Variants in MAP1S observed in about 807,000 individuals in gnomAD.
The protein encoded by MAP1S is microtubule-associated protein 1S.
Under a neutral mutation model 60.9 loss-of-function variants are expected in MAP1S, and 27 were observed. The ratio of observed to expected loss-of-function variants is 0.44; its 90% CI spans 0.33 to 0.61. The LOEUF is 0.61. MAP1S is among the 20% of genes least tolerant of loss of function. The pLI is 0.03. For missense variants in MAP1S, 1,608 were observed against 1,486.6 expected, an observed-to-expected ratio of 1.08 and a Z score of -1.34; for synonymous variants, 826 against 694.2, an observed-to-expected ratio of 1.19 and a Z score of -2.98.
Position 17,734,253 on chromosome 19 carries a change from C to A in MAP1S, c.3025-20C>A. Reference sequence around the variant, plus strand: ...TCACTGGTGGTCCACTCTCCCCACACACCCCCCCTCCACCTGCAGGTGACC... The same window carrying A: ...TCACTGGTGGTCCACTCTCCCCACAAACCCCCCCTCCACCTGCAGGTGACC... On this transcript the variant is annotated intron_variant, in intron 6 of 6. Coordinates refer to ENST00000324096, the MANE Select transcript of MAP1S (RefSeq NM_018174.6). The A allele has an allele frequency of 6.2e-7, 1 of 1,603,732 alleles. No homozygotes were observed. Among genetic ancestry groups the A allele is most frequent in the Non-Finnish European group, 8.5e-7 (1 of 1,172,662 alleles).
rs549260070 is a variant in MAP1S, at chr19:17,725,502, C to A, written c.444+313C>A. ...GGCAAAATGGCAAACCTCACTTTCACATTGTAGTGGGGCACTTAAAAATGG... is the reference window on the plus strand; with the variant it reads ...GGCAAAATGGCAAACCTCACTTTCAAATTGTAGTGGGGCACTTAAAAATGG... On this transcript the variant is annotated intron_variant, in intron 4 of 6. Coordinates refer to ENST00000324096, the MANE Select transcript of MAP1S (RefSeq NM_018174.6). This position sits in a 1 kb window ranked among gnomAD's most constrained non-coding sequence, Gnocchi z 4.2. Among the ~76,000 whole-genome samples, 13 of 152,324 alleles carry A rather than the reference C, an allele frequency of 8.5e-5. No homozygotes were observed. Among genetic ancestry groups the A allele is most frequent in the African/African-American group, 2.4e-4 (10 of 41,582 alleles).
chr19:17,719,541 G>C lies in MAP1S; in HGVS notation c.39G>C (p.Pro13=). ...AVAGSGAAAA[P]SSLLLVVGSE... is the part of the protein sequence containing the mutation. Reference sequence around the variant, plus strand: ...CTGGATCTGGGGCTGCCGCGGCTCCGAGCTCACTGCTCCTCGTGGTGGGCA... The same window carrying C: ...CTGGATCTGGGGCTGCCGCGGCTCCCAGCTCACTGCTCCTCGTGGTGGGCA... Residue 13 remains proline, a synonymous_variant, in exon 1 of 7, where the codon CCG becomes CCC. Coordinates refer to ENST00000324096, the MANE Select transcript of MAP1S (RefSeq NM_018174.6). 1 of 1,246,154 alleles carries C rather than the reference G, an allele frequency of 8.0e-7. No individual in the cohort carries two copies. The highest frequency in any genetic ancestry group is 1.0e-6 in the Non-Finnish European group (1 of 987,602). 77.2% of individuals were successfully genotyped at this position (1,246,154 alleles called of 1,614,324 possible).
At chr19:17,731,159 T>G (rs1667607663) in intron 5 of MAP1S, among the ~76,000 whole-genome samples, 1 of 152,046 alleles carries the variant, frequency 6.6e-6, no homozygotes, top group South Asian at 2.1e-4. Flanking sequence ...CCTCCCAGAG[T>G]ACTAAGATTA....
chr19:17,725,947 C>T lies in MAP1S; in HGVS notation c.563C>T (p.Ala188Val), dbSNP rs1555705086. 7 of 1,613,134 alleles carry T rather than the reference C, an allele frequency of 4.3e-6. No homozygotes were observed. The highest frequency in any genetic ancestry group is 1.7e-4 in the Middle Eastern group (1 of 6,056). The change falls in exon 5 of 7, where the codon GCG (alanine) becomes GTG (valine). Residue 188 changes from alanine (A) to valine (V), a missense_variant. Ala to Val is a moderately conservative substitution (Grantham distance 64, BLOSUM62 0). Coordinates refer to ENST00000324096, the MANE Select transcript of MAP1S (RefSeq NM_018174.6). This position sits in a 1 kb window ranked among gnomAD's most constrained non-coding sequence, Gnocchi z 4.2. Reference sequence around the variant, plus strand: ...CCCGCTGTGCCTGGCCTTCAGGGGGCGCTCCGGCTCCAGCTGCGGCTGAAC... The same window carrying T: ...CCCGCTGTGCCTGGCCTTCAGGGGGTGCTCCGGCTCCAGCTGCGGCTGAAC... ...LAPAVPGLQG[A>V]LRLQLRLNPP...
chr19:17,722,900 G>C (rs2080384109), intron 2 of MAP1S, among the ~76,000 whole-genome samples: 1 of 152,158 alleles, frequency 6.6e-6, no homozygotes, highest in Admixed American at 6.5e-5. Flanking sequence ...AATGTGATAA[G>C]GGCTGGCAAC....
chr19:17,720,730 C>T, intron 1 of MAP1S: 2 of 621,716 alleles, frequency 3.2e-6, no homozygotes, highest in Admixed American at 2.9e-5. Flanking sequence ...GCTGATGAAT[C>T]TTGTGTGTAA....
chr19:17,727,653 C>CA lies in MAP1S; in HGVS notation c.2269_2270insA (p.Pro757HisfsTer9). 1 of 1,608,730 alleles carries CA rather than the reference C, an allele frequency of 6.2e-7. No individual in the cohort carries two copies. The highest frequency in any genetic ancestry group is 1.1e-5 in the South Asian group (1 of 91,022). ...CAAGGCGGTGCCAATGGCACCGGCA[C>CA]CTGCGTCCCCCGGCAGCTCGAATGA... is the stretch of plus-strand genomic sequence containing the variant. On this transcript the variant is annotated frameshift_variant, in exon 5 of 7. Coordinates refer to ENST00000324096, the MANE Select transcript of MAP1S (RefSeq NM_018174.6). LOFTEE classifies it high-confidence loss of function. The surrounding 1 kb of genome is among the most constrained non-coding windows in gnomAD (Gnocchi z 4.1).
chr19:17,726,568 T>C lies in MAP1S; in HGVS notation c.1184T>C (p.Met395Thr). The change falls in exon 5 of 7, where the codon ATG becomes ACG. Residue 395 changes from methionine (M) to threonine (T), a missense_variant. By Grantham distance (81) the Met-to-Thr change is moderately conservative. Coordinates refer to ENST00000324096, the MANE Select transcript of MAP1S (RefSeq NM_018174.6). The stretch of plus-strand genomic sequence containing the variant: ...AAGATGGGCGTGGGCCGGCTGGACA[T>C]GTATGTGCTGCACCCGCCCTCCGCC... ...FEKMGVGRLDMYVLHPPSAGA... is the reference protein window; with the variant it reads ...FEKMGVGRLDTYVLHPPSAGA... 1.3e-6 allele frequency: 2 copies of C among 1,575,020 alleles called. No individual in the cohort carries two copies. Among genetic ancestry groups the C allele is most frequent in the South Asian group, 1.1e-5 (1 of 87,314 alleles).
At position 17,728,268 on chromosome 19, in the gene MAP1S, A is replaced by G. The variant is rs1276339360; in HGVS notation, c.2788+96A>G. The stretch of plus-strand genomic sequence containing the variant: ...TGTTTTTACATTTTCAGTTTTTTTA[A>G]AAGAGATGGTCTCACTCTGTCTCTG... On this transcript the variant is annotated intron_variant, in intron 5 of 6. Transcript: ENST00000324096. 4.6e-6 allele frequency: 6 copies of G among 1,311,802 alleles called. No homozygotes were observed. The African/African-American group carries it at 7.4e-5, about 16-fold the overall frequency. 81.3% of individuals were successfully genotyped at this position (1,311,802 alleles called of 1,614,324 possible).
rs746545698 is a variant in MAP1S, at chr19:17,727,045, C to G, written c.1661C>G (p.Thr554Arg). The G allele has an allele frequency of 6.2e-7, 1 of 1,605,804 alleles. No homozygotes were observed. Among genetic ancestry groups the G allele is most frequent in the Non-Finnish European group, 8.5e-7 (1 of 1,177,238 alleles). ...TCTTCTGTGCCCAACCTCAAGAAGACGAATGCCCAGGCGGCACCCAAGCCC... is the reference window on the plus strand; with the variant it reads ...TCTTCTGTGCCCAACCTCAAGAAGAGGAATGCCCAGGCGGCACCCAAGCCC... ...AASSVPNLKK[T>R]NAQAAPKPRK... Residue 554 changes from threonine (T) to arginine (R), a missense_variant, in exon 5 of 7, where the codon ACG becomes AGG. Physicochemically the swap from Thr to Arg is moderately conservative, Grantham distance 71. Transcript: ENST00000324096. This position sits in a 1 kb window ranked among gnomAD's most constrained non-coding sequence, Gnocchi z 4.1.
intron 5 of MAP1S, among the ~76,000 whole-genome samples, 184 bp downstream of exon 5, chr19:17,728,356 C>T (rs571064917): frequency 1.3e-5 from 2 of 152,198 alleles, no homozygotes; most frequent in South Asian, 2.1e-4. Flanking sequence ...CTCAAGCCAC[C>T]CTCCCACCTC....
intron 6 of MAP1S, among the ~76,000 whole-genome samples, chr19:17,733,963 G>A (rs1193502992): frequency 6.6e-6 from 1 of 152,224 alleles, no homozygotes; most frequent in Non-Finnish European, 1.5e-5. Context: ...AGGTTGGTGT[G>A]TTCAAGGAGC....
rs776502177 is a variant in MAP1S at position 17,727,349 on chromosome 19, G to A, written c.1965G>A (p.Ser655=). The part of the protein sequence containing the change: ...RSPAEGSERL[S]LSPLRGGEAG... ...CCGCAGAGGGCAGCGAGCGGCTGTC[G>A]CTGAGCCCACTGCGGGGCGGGGAGG... is the stretch of plus-strand genomic sequence containing the variant. Residue 655 remains serine (S), a synonymous_variant, in exon 5 of 7, where the codon TCG becomes TCA. Transcript: ENST00000324096. This position sits in a 1 kb window ranked among gnomAD's most constrained non-coding sequence, Gnocchi z 4.1. 13 of 1,587,344 alleles carry A rather than the reference G, an allele frequency of 8.2e-6. No homozygotes were observed. The African/African-American group carries it at 1.3e-4, about 16-fold the overall frequency.
chr19:17,720,865 C>T lies in MAP1S; in HGVS notation c.119-71C>T, dbSNP rs1843810286. ...TGGGGCGCTCCCCACCCACGGGGTG[C>T]TAATTATTGAAATATTCTGGGAGCT... On this transcript the variant is annotated intron_variant, in intron 1 of 6. Transcript: ENST00000324096. 2.5e-6 allele frequency: 3 copies of T among 1,200,650 alleles called. No homozygotes were observed. In the South Asian group the frequency reaches 3.6e-5, roughly 15 times the overall value. The allele number at this position is 1,200,650 out of a possible 1,614,324, so 74.4% of individuals were successfully genotyped here. A position where few individuals can be genotyped will look rare whatever the true frequency, so the allele number is the denominator to read the frequency against.
chr19:17,728,321 C>G, intron 5 of MAP1S, 149 bp downstream of exon 5: 1 of 907,566 alleles, frequency 1.1e-6, no homozygotes, highest in Non-Finnish European at 1.6e-6. Flanking sequence ...GTGGTCACAG[C>G]TCATTGCAGC....
In MAP1S at chr19:17,725,283, A is replaced by G. The variant is rs950983339; in HGVS notation, c.444+94A>G. Reference sequence around the variant, plus strand: ...TGGCACCAGCGACCTGCTGTTTTCCATGGCCTGGTCTCCCCATCCTCTGTA... The same window carrying G: ...TGGCACCAGCGACCTGCTGTTTTCCGTGGCCTGGTCTCCCCATCCTCTGTA... On this transcript the variant is annotated intron_variant, in intron 4 of 6. Transcript: ENST00000324096. The surrounding 1 kb of genome is among the most constrained non-coding windows in gnomAD (Gnocchi z 4.2). 10 of 1,455,694 alleles carry G rather than the reference A, an allele frequency of 6.9e-6. No individual in the cohort carries two copies. The African/African-American group carries it at 1.3e-4, about 19-fold the overall frequency. The allele number at this position is 1,455,694 out of a possible 1,614,324, so 90.2% of individuals were successfully genotyped here. A position where few individuals can be genotyped will look rare whatever the true frequency, so the allele number is the denominator to read the frequency against.
rs990125743 is a variant in MAP1S, at chr19:17,725,069, C to A, written c.324C>A (p.Asp108Glu). The A allele has an allele frequency of 1.2e-6, 2 of 1,614,160 alleles. No homozygotes were observed. Among genetic ancestry groups the A allele is most frequent in the East Asian group, 4.5e-5 (2 of 44,876 alleles). The change falls in exon 4 of 7, where the codon GAC becomes GAA. Residue 108 changes from aspartate to glutamate, a missense_variant. Transcript: ENST00000324096. This position sits in a 1 kb window ranked among gnomAD's most constrained non-coding sequence, Gnocchi z 4.2. ...CTCAGCTCCGGAACCTTCTGTTGGACCCTGCCTCTCACAAGCTACTGGTGT... is the reference window on the plus strand; with the variant it reads ...CTCAGCTCCGGAACCTTCTGTTGGAACCTGCCTCTCACAAGCTACTGGTGT... ...LYDELRNLLLDPASHKLLVLA... is the reference protein window; with the variant it reads ...LYDELRNLLLEPASHKLLVLA...
At chr19:17,722,148 T>C (rs1354707882) in intron 2 of MAP1S, among the ~76,000 whole-genome samples, 2 of 152,156 alleles carry the variant, frequency 1.3e-5, no homozygotes, top group African/African-American at 4.8e-5. Context: ...GCAATATCCC[T>C]GTGTGGCAAA....
chr19:17,720,937 C>G lies in MAP1S; in HGVS notation c.120C>G (p.Gly40=), dbSNP rs1405837499. Residue 40 remains glycine (G), a splice_region_variant and synonymous_variant, in exon 2 of 7, where the codon GGC becomes GGG. Coordinates refer to ENST00000324096, the MANE Select transcript of MAP1S (RefSeq NM_018174.6). ...GCCTTGATCCCTCCTTCCCACCAGG[C>G]ATCCGGTCTTGGGATGTCGATCCTG... is the stretch of plus-strand genomic sequence containing the variant. The part of the protein sequence containing the change: ...LTYVLEELER[G]IRSWDVDPGV... 3 of 1,612,758 alleles carry G rather than the reference C, an allele frequency of 1.9e-6. No homozygotes were observed. In the African/African-American group the frequency reaches 4.0e-5, roughly 22 times the overall value.
Sources: allele counts gnomAD v4.1 joint callset (sites outside exome capture counted in the v4.1 genomes callset), GRCh38; gene constraint gnomAD v4.1.1; non-coding constraint Gnocchi (gnomAD v3.1); transcripts MANE v1.5; gene names NCBI Gene and HGNC (gene_info 2026-07-23, HGNC 2026-07-21).